Variants in RNF38 observed in about 807,000 individuals in gnomAD.
RNF38 encodes the protein E3 ubiquitin-protein ligase RNF38.
In RNF38, 15 loss-of-function variants were observed where a neutral mutation model predicts 67.2. The ratio of observed to expected loss-of-function variants is 0.22; its 90% CI spans 0.15 to 0.34. The LOEUF (loss-of-function observed/expected upper bound fraction) is 0.34. Ranked by LOEUF, RNF38 falls within the 10% of genes least tolerant of loss-of-function variation. RNF38 has a pLI of 1.00. For synonymous variants in RNF38, 220 were observed against 218.8 expected, an observed-to-expected ratio of 1.01 and a Z score of -0.05; for missense variants, 524 against 639.9, an observed-to-expected ratio of 0.82 and a Z score of 1.95.
intron 4 of RNF38, among the ~76,000 whole-genome samples, chr9:36,364,357 G>A (rs1834789870): frequency 6.6e-6 from 1 of 151,900 alleles, no homozygotes; most frequent in Non-Finnish European, 1.5e-5. Context: ...TATGTTATTG[G>A]TCAACATTAG....
intron 2 of RNF38, among the ~76,000 whole-genome samples, chr9:36,387,009 G>T (rs1836691368): frequency 1.3e-5 from 2 of 152,066 alleles, no homozygotes; most frequent in African/African-American, 4.8e-5. Context: ...CCCCATGTTG[G>T]CCAGGCTGAT....
chr9:36,450,467 T>C (rs1839410110), intron 1 of RNF38, among the ~76,000 whole-genome samples: 1 of 152,176 alleles, frequency 6.6e-6, no homozygotes, highest in East Asian at 1.9e-4. Context: ...TTTCTACATG[T>C]TTTAATTTCC....
At chr9:36,384,353 G>A (rs1212935445) in intron 2 of RNF38, among the ~76,000 whole-genome samples, 2 of 152,170 alleles carry the variant, frequency 1.3e-5, no homozygotes, top group African/African-American at 2.4e-5. Context: ...AGCTCAGAGG[G>A]TAGGAATATA....
At chr9:36,377,463 A>G (rs1835873622) in intron 2 of RNF38, among the ~76,000 whole-genome samples, 1 of 152,232 alleles carries the variant, frequency 6.6e-6, no homozygotes, top group African/African-American at 2.4e-5. Context: ...TTTCCAAATT[A>G]CTTAGCAGTA....
chr9:36,366,371 CA>C (rs1428420718), intron 4 of RNF38, among the ~76,000 whole-genome samples: 5 of 151,314 alleles, frequency 3.3e-5, no homozygotes, highest in Non-Finnish European at 5.9e-5. Context: ...CAAACAGAAT[CA>C]AAAAAAAGCT....
Position 36,451,491 on chromosome 9 carries a change from G to GTTT in RNF38, n.242-26811_242-26809dup, listed in dbSNP as rs374396585. ...TAAAGAAGAAAAAAAAATTGTAGTA[G>GTTT]TTTTTTTTTTTTTTTTTTTTTTTTT... On this transcript the variant is annotated intron_variant and non_coding_transcript_variant, in intron 1 of 3. Coordinates refer to the RNF38 transcript ENST00000488058. 2.4e-3 allele frequency among the ~76,000 whole-genome samples: 138 copies of GTTT among 58,680 alleles called. 18 individuals carry two copies. The highest frequency in any genetic ancestry group is 4.1e-3 in the South Asian group (4 of 964). The allele number at this position is 58,680 out of a possible 152,430, so 38.5% of individuals were successfully genotyped here. A position where few individuals can be genotyped will look rare whatever the true frequency, so the allele number is the denominator to read the frequency against.
chr9:36,378,041 A>T (rs1835909613), intron 2 of RNF38, among the ~76,000 whole-genome samples: 1 of 151,754 alleles, frequency 6.6e-6, no homozygotes, highest in South Asian at 2.1e-4. Flanking sequence ...ATAACCACTG[A>T]AATTTAAATA....
intron 1 of RNF38, among the ~76,000 whole-genome samples, chr9:36,398,630 CT>C (rs1423264002): frequency 6.6e-6 from 1 of 152,180 alleles, no homozygotes; most frequent in Non-Finnish European, 1.5e-5. Context: ...TGTTTACAAT[CT>C]GTTCGCTCTT....
rs534063831 is a variant in RNF38 at position 36,454,141 on chromosome 9, TGAGACA to T, written n.242-29464_242-29459del. Among the ~76,000 whole-genome samples, 147 of 152,132 alleles carry T rather than the reference TGAGACA, an allele frequency of 9.7e-4. 1 individual carries two copies. The highest frequency in any genetic ancestry group is 1.4e-3 in the Non-Finnish European group (92 of 67,988). ...AATTCTTTCATACTTTTTTTTTTTTTGAGACAGAGTCTCACTCTGTCACCCAGGCTG... is the reference window on the plus strand; with the variant it reads ...AATTCTTTCATACTTTTTTTTTTTTTGAGTCTCACTCTGTCACCCAGGCTG... On this transcript the variant is annotated intron_variant and non_coding_transcript_variant, in intron 1 of 3. Transcript: ENST00000488058.
intron 2 of RNF38, among the ~76,000 whole-genome samples, chr9:36,422,454 G>A (rs1475050878): frequency 6.6e-6 from 1 of 151,766 alleles, no homozygotes; most frequent in East Asian, 1.9e-4. Flanking sequence ...AGGAGAGAAA[G>A]AAAGGCTGTA....
At chr9:36,454,676 A>G (rs1490310986) in intron 1 of RNF38, among the ~76,000 whole-genome samples, 4 of 135,686 alleles carry the variant, frequency 2.9e-5, no homozygotes, top group African/African-American at 1.1e-4. Context: ...TCCGCCTCCC[A>G]GGTTCAAGTG....
At chr9:36,341,334 G>T (rs1470725931) in intron 11 of RNF38, among the ~76,000 whole-genome samples, 1 of 152,120 alleles carries the variant, frequency 6.6e-6, no homozygotes, top group Non-Finnish European at 1.5e-5. Context: ...GGCTAAACTA[G>T]ATCTCTGGAA....
intron 1 of RNF38, among the ~76,000 whole-genome samples, chr9:36,426,518 T>C (rs564995549): frequency 6.6e-6 from 1 of 152,360 alleles, no homozygotes; most frequent in East Asian, 1.9e-4. Context: ...TATGGCTAAA[T>C]AATATTCCAG....
At chr9:36,432,841 T>C (rs1246627707) in intron 1 of RNF38, among the ~76,000 whole-genome samples, 3 of 152,050 alleles carry the variant, frequency 2.0e-5, no homozygotes, top group African/African-American at 7.2e-5. Context: ...CAGGAGAAAA[T>C]GCCAGTTACA....
At chr9:36,389,853 C>A (rs981535905) in intron 2 of RNF38, among the ~76,000 whole-genome samples, 9 of 152,176 alleles carry the variant, frequency 5.9e-5, no homozygotes, top group African/African-American at 2.2e-4. Flanking sequence ...ATACTGACTT[C>A]CACTACTAAA....
chr9:36,451,491 GTT>G (rs374396585), intron 1 of RNF38, among the ~76,000 whole-genome samples: 25 of 58,686 alleles, frequency 4.3e-4, no homozygotes, highest in South Asian at 1.0e-3. Context: ...AATTGTAGTA[GTT>G]TTTTTTTTTT....
At position 36,435,802 on chromosome 9, in the gene RNF38, C is replaced by T. The variant is rs142739791; in HGVS notation, n.242-11119G>A. Among the ~76,000 whole-genome samples the T allele has an allele frequency of 2.9e-3, 447 of 151,992 alleles. 2 individuals are homozygous for T. Among genetic ancestry groups the T allele is most frequent in the African/African-American group, 9.2e-3 (382 of 41,460 alleles). On this transcript the variant is annotated intron_variant and non_coding_transcript_variant, in intron 1 of 3. Transcript: ENST00000488058. ...CTGCCACGACGCCCGGCTAATTTTT[C>T]GTATTTTTCATAGAGACAGGGTTTC... is the stretch of plus-strand genomic sequence containing the variant.
intron 1 of RNF38, among the ~76,000 whole-genome samples, chr9:36,449,355 CAG>C (rs1187799528): frequency 6.6e-5 from 10 of 151,810 alleles, no homozygotes; most frequent in African/African-American, 2.2e-4. Context: ...CACTTGAGCC[CAG>C]GAGTCTGAGG....
intron 2 of RNF38, among the ~76,000 whole-genome samples, chr9:36,411,861 G>A (rs192798832): frequency 9.2e-5 from 14 of 152,054 alleles, no homozygotes; most frequent in Admixed American, 8.5e-4. Context: ...GAACCACCAC[G>A]CTCAGCCTTA....
Sources: allele counts gnomAD v4.1 joint callset (sites outside exome capture counted in the v4.1 genomes callset), GRCh38; gene constraint gnomAD v4.1.1; transcripts MANE v1.5; gene names NCBI Gene and HGNC (gene_info 2026-07-23, HGNC 2026-07-21).